The following FOXP2 variants were observed in gnomAD, a reference collection of about 807,000 sequenced individuals.
The protein encoded by FOXP2 is forkhead box P2, also known as forkhead box protein P2.
A neutral mutation model predicts 115.8 loss-of-function variants in FOXP2; 12 were observed. The observed-to-expected ratio is 0.10, with a 90% CI of 0.07 to 0.17. The LOEUF (loss-of-function observed/expected upper bound fraction) is 0.17. Among genes scored for constraint, FOXP2 ranks in the 10% least tolerant of loss-of-function variants. The pLI, the probability that FOXP2 is intolerant of heterozygous loss-of-function variation, is 1.00. For missense variants in FOXP2, 629 were observed against 843.5 expected (o/e 0.75, Z 3.15); for synonymous variants, 328 against 297.7 (o/e 1.10, Z -1.05).
intron 8 of FOXP2, among the ~76,000 whole-genome samples, chr7:114,651,310 G>T (rs1201551683): frequency 2.0e-5 from 3 of 152,040 alleles, no homozygotes; most frequent in African/African-American, 4.8e-5. Context: ...TGGTGAAATA[G>T]ATACACTAAA....
At chr7:114,169,540 T>G (rs1389301688) in intron 1 of FOXP2, among the ~76,000 whole-genome samples, 1 of 152,216 alleles carries the variant, frequency 6.6e-6, no homozygotes, top group Non-Finnish European at 1.5e-5. Flanking sequence ...ACTAGCTTGC[T>G]TTTGATTTTG....
upstream of FOXP2, among the ~76,000 whole-genome samples, chr7:114,158,553 A>G (rs1468413513): frequency 2.6e-5 from 4 of 152,080 alleles, no homozygotes; most frequent in East Asian, 5.8e-4. Context: ...CTCTTTAGAG[A>G]CTTTGCCATA....
chr7:114,476,089 T>G (rs886147201), intron 2 of FOXP2, among the ~76,000 whole-genome samples: 22 of 114,690 alleles, frequency 1.9e-4, no homozygotes, highest in African/African-American at 6.5e-4. Context: ...GATACTTGGG[T>G]TTTTTTTTTT....
intron 1 of FOXP2, among the ~76,000 whole-genome samples, chr7:114,221,129 A>G (rs1452501070): frequency 6.6e-6 from 1 of 152,136 alleles, no homozygotes; most frequent in Non-Finnish European, 1.5e-5. Context: ...TGATTTTTAA[A>G]TTACTAAATT....
rs1791132574 is a variant in FOXP2 at position 114,106,871 on chromosome 7, AC to A, written c.-247+19035del. On this transcript the variant is annotated intron_variant, in intron 1 of 19. Coordinates refer to the FOXP2 transcript ENST00000635638. ...TTCTTTTTTTAATCAAAAGCCTTAG[AC>A]CTTATTTATTTGCTTTACGTATGTT... Among the ~76,000 whole-genome samples, 3 of 152,010 alleles carry A rather than the reference AC, an allele frequency of 2.0e-5. No homozygotes were observed. In the South Asian group the frequency reaches 6.2e-4, roughly 32 times the overall value.
chr7:114,478,482 G>T (rs1441196793), intron 2 of FOXP2, among the ~76,000 whole-genome samples: 1 of 151,786 alleles, frequency 6.6e-6, no homozygotes. Flanking sequence ...ACTTGGTCTG[G>T]TTTATCTTCT....
chr7:114,586,589 T>A (rs2129304956), intron 3 of FOXP2, among the ~76,000 whole-genome samples: 1 of 152,202 alleles, frequency 6.6e-6, no homozygotes, highest in East Asian at 1.9e-4. Context: ...CTATTTGCTT[T>A]TATTTAATTT....
At chr7:114,661,286 C>G (rs1464628227) in intron 13 of FOXP2, among the ~76,000 whole-genome samples, 1 of 151,810 alleles carries the variant, frequency 6.6e-6, no homozygotes, top group Non-Finnish European at 1.5e-5. Context: ...ATGTGGTCTA[C>G]TGTATATTTA....
At chr7:114,114,201 T>C (rs1291896021) in intron 1 of FOXP2, among the ~76,000 whole-genome samples, 1 of 151,530 alleles carries the variant, frequency 6.6e-6, no homozygotes, top group East Asian at 1.9e-4. Context: ...TAATTAGTTA[T>C]AGAATGTCCA....
chr7:114,396,033 G>T (rs927476859), intron 2 of FOXP2, among the ~76,000 whole-genome samples: 1 of 151,814 alleles, frequency 6.6e-6, no homozygotes. Context: ...TATTCTTTTA[G>T]TTATTTTAAA....
Position 114,659,616 on chromosome 7 carries a change from T to A in FOXP2, c.1590T>A (p.Ile530=). The part of the protein sequence containing the change: ...SSDRQLTLNE[I]YSWFTRTFAY... The stretch of plus-strand genomic sequence containing the variant: ...ACAGGCAGTTAACACTTAATGAAAT[T>A]TACAGCTGGTTTACACGGACATTTG... Residue 530 remains isoleucine (I), a synonymous_variant, in exon 13 of 17, where the codon ATT becomes ATA. Coordinates refer to ENST00000350908, the MANE Select transcript of FOXP2 (RefSeq NM_014491.4). The A allele has an allele frequency of 6.2e-7, 1 of 1,613,766 alleles. No homozygotes were observed. The highest frequency in any genetic ancestry group is 8.5e-7 in the Non-Finnish European group (1 of 1,179,748).
At chr7:114,334,693 C>T (rs1019511436) in intron 2 of FOXP2, among the ~76,000 whole-genome samples, 17 of 150,542 alleles carry the variant, frequency 1.1e-4, no homozygotes, top group South Asian at 2.1e-4. Context: ...AATGTTTTAT[C>T]GGGTTGGAGT....
intron 2 of FOXP2, among the ~76,000 whole-genome samples, chr7:114,383,817 G>A (rs762202286): frequency 1.3e-4 from 20 of 152,190 alleles, no homozygotes; most frequent in South Asian, 1.0e-3. Flanking sequence ...AAGGATGCCA[G>A]CACCCCTAGT....
chr7:114,134,499 G>A (rs1791975906), intron 1 of FOXP2, among the ~76,000 whole-genome samples: 1 of 151,828 alleles, frequency 6.6e-6, no homozygotes, highest in African/African-American at 2.4e-5. Context: ...GGATCACGAG[G>A]TCAGGAGATC....
chr7:114,536,730 T>C (rs923633182), intron 3 of FOXP2, among the ~76,000 whole-genome samples: 2 of 151,520 alleles, frequency 1.3e-5, no homozygotes, highest in African/African-American at 4.8e-5. Context: ...TTATCTCCAT[T>C]GTTTAGACTG....
chr7:114,636,570 T>A (rs1360848810), intron 6 of FOXP2, among the ~76,000 whole-genome samples: 2 of 151,578 alleles, frequency 1.3e-5, no homozygotes, highest in African/African-American at 4.8e-5. Context: ...ATTATTTGTT[T>A]AACATTTAAA....
chr7:114,445,443 T>G (rs1025314116), intron 2 of FOXP2, among the ~76,000 whole-genome samples: 1 of 152,168 alleles, frequency 6.6e-6, no homozygotes, highest in African/African-American at 2.4e-5. Context: ...ACAATTCATT[T>G]CCTTTTATGT....
At chr7:114,399,230 C>T (rs368710103) in intron 2 of FOXP2, among the ~76,000 whole-genome samples, 1 of 151,600 alleles carries the variant, frequency 6.6e-6, no homozygotes, top group African/African-American at 2.4e-5. Flanking sequence ...GACTCAGCCT[C>T]CCGAGTAGCT....
upstream of FOXP2, among the ~76,000 whole-genome samples, chr7:114,409,284 A>C (rs1793110011): frequency 6.6e-6 from 1 of 152,104 alleles, no homozygotes; most frequent in South Asian, 2.1e-4. Flanking sequence ...CGTTAGTATA[A>C]ATTGAATACC....
Sources: gnomAD v4.1 joint callset for allele counts (sites outside exome capture counted in the v4.1 genomes callset) on GRCh38, gnomAD v4.1.1 for gene constraint, MANE v1.5 for transcripts, NCBI Gene and HGNC (gene_info 2026-07-23, HGNC 2026-07-21) for gene names.